Variants in ATG5 observed in about 807,000 individuals in gnomAD.
The protein encoded by ATG5 is autophagy related 5.
A neutral mutation model predicts 36.5 loss-of-function variants in ATG5; 14 were observed. The observed-to-expected ratio is 0.38, with a 90% CI of 0.25 to 0.60. The LOEUF is 0.60. ATG5 is among the 20% of genes least tolerant of loss of function. The pLI, the probability that ATG5 is intolerant of heterozygous loss-of-function variation, is 0.60. For missense variants in ATG5, 195 were observed against 326.7 expected, an observed-to-expected ratio of 0.60 and a Z score of 3.11; for synonymous variants, 95 against 101.5, an observed-to-expected ratio of 0.94 and a Z score of 0.38.
At chr6:106,320,221 T>C (rs1414912387) in intron 1 of ATG5, among the ~76,000 whole-genome samples, 1 of 152,184 alleles carries the variant, frequency 6.6e-6, no homozygotes, top group Non-Finnish European at 1.5e-5. Flanking sequence ...CTCCAAAACA[T>C]CCATTATGTC....
chr6:106,313,071 A>G (rs922565244), intron 2 of ATG5, among the ~76,000 whole-genome samples: 1 of 152,228 alleles, frequency 6.6e-6, no homozygotes, highest in African/African-American at 2.4e-5. Context: ...TAAAATAAAC[A>G]GAGAAGGCAG....
At chr6:106,210,863 ATGAG>A (rs1776825387) in intron 6 of ATG5, among the ~76,000 whole-genome samples, 1 of 152,212 alleles carries the variant, frequency 6.6e-6, no homozygotes, top group African/African-American at 2.4e-5. Context: ...TGAATTCTCA[ATGAG>A]TGTTATAATT....
At chr6:106,298,263 C>A (rs1377672371) in intron 3 of ATG5, among the ~76,000 whole-genome samples, 1 of 152,006 alleles carries the variant, frequency 6.6e-6, no homozygotes, top group East Asian at 1.9e-4. Flanking sequence ...CCAGCGCTAG[C>A]CTGTCAAAAT....
chr6:106,293,003 G>A (rs778267924), intron 4 of ATG5, 25 bp downstream of exon 4: 38 of 1,579,974 alleles, frequency 2.4e-5, no homozygotes, highest in East Asian at 1.3e-4. Flanking sequence ...CAAATGGGAC[G>A]AAGGAGAAAT....
At position 106,252,550 on chromosome 6, in the gene ATG5, A is replaced by G. The variant is rs1220517673; in HGVS notation, c.479-4306T>C. Among the ~76,000 whole-genome samples, 4 of 152,146 alleles carry G rather than the reference A, an allele frequency of 2.6e-5. No individual in the cohort carries two copies. The East Asian group carries it at 7.7e-4, about 29-fold the overall frequency. ...TTAATTTGTATTCTTTGTTACTCAC[A>G]TGGACAAACTGCAGGAAAAAGTGAT... On this transcript the variant is annotated intron_variant, in intron 5 of 7. Coordinates refer to ENST00000369076, the MANE Select transcript of ATG5 (RefSeq NM_004849.4).
chr6:106,269,679 G>A (rs926065624), intron 5 of ATG5, among the ~76,000 whole-genome samples: 15 of 152,224 alleles, frequency 9.9e-5, no homozygotes, highest in African/African-American at 3.4e-4. Context: ...GGGGCCGGCA[G>A]GGCCGGCCGG....
At chr6:106,317,449 T>A (rs1181392959) in intron 1 of ATG5, among the ~76,000 whole-genome samples, 3 of 152,132 alleles carry the variant, frequency 2.0e-5, no homozygotes, top group Non-Finnish European at 4.4e-5. Flanking sequence ...ATGGTATAAA[T>A]TAATTAGTTA....
chr6:106,283,201 T>C (rs996226896), intron 4 of ATG5, among the ~76,000 whole-genome samples: 1 of 152,172 alleles, frequency 6.6e-6, no homozygotes, highest in Admixed American at 6.5e-5. Context: ...AATTTGCTAG[T>C]ACTCTGTTGA....
chr6:106,316,046 T>C, intron 2 of ATG5, 55 bp downstream of exon 2: 1 of 1,438,746 alleles, frequency 7.0e-7, no homozygotes, highest in South Asian at 1.2e-5. Flanking sequence ...TACAGCTTTT[T>C]CTTACAAAAA....
At chr6:106,322,400 GA>G (rs967315286) in intron 1 of ATG5, among the ~76,000 whole-genome samples, 12 of 152,132 alleles carry the variant, frequency 7.9e-5, no homozygotes, top group African/African-American at 2.6e-4. Flanking sequence ...CGTGTAAACA[GA>G]AAAAAAATTA....
At chr6:106,222,132 C>G (rs983156497) in intron 6 of ATG5, among the ~76,000 whole-genome samples, 2 of 151,998 alleles carry the variant, frequency 1.3e-5, no homozygotes, top group Admixed American at 1.3e-4. Context: ...CTCAAACTCC[C>G]AAAGTGCTAG....
At chr6:106,292,892 T>C (rs1030792656) in intron 4 of ATG5, 136 bp downstream of exon 4, 37 of 658,628 alleles carry the variant, frequency 5.6e-5, no homozygotes, top group East Asian at 2.7e-5. Flanking sequence ...TATAGACAAA[T>C]ACTAATCGAA....
At chr6:106,301,919 A>G (rs1485559705) in intron 3 of ATG5, among the ~76,000 whole-genome samples, 1 of 152,082 alleles carries the variant, frequency 6.6e-6, no homozygotes. Context: ...AAAAAGGTCA[A>G]ATAACTTGCC....
At position 106,215,398 on chromosome 6, in the gene ATG5, A is replaced by G. The variant is rs118046902; in HGVS notation, c.574-13309T>C. Among the ~76,000 whole-genome samples the G allele has an allele frequency of 7.0e-3, 1,061 of 152,320 alleles. 7 individuals carry two copies. The highest frequency in any genetic ancestry group is 0.011 in the Non-Finnish European group (747 of 68,026). ...GTCTATGGGTTCTGTGGTGAACGCT[A>G]AAGTTTATAACATGGGAATATTTAT... On this transcript the variant is annotated intron_variant, in intron 6 of 7. Transcript: ENST00000369076.
At chr6:106,188,605 A>G (rs963615871) in intron 7 of ATG5, among the ~76,000 whole-genome samples, 1 of 152,224 alleles carries the variant, frequency 6.6e-6, no homozygotes, top group Non-Finnish European at 1.5e-5. Context: ...ACCATGTTAC[A>G]AAAGGATTGC....
intron 3 of ATG5, among the ~76,000 whole-genome samples, chr6:106,295,178 T>C (rs1780495436): frequency 6.6e-6 from 1 of 152,198 alleles, no homozygotes; most frequent in South Asian, 2.1e-4. Flanking sequence ...AAATAATACC[T>C]TATACTTTTA....
At chr6:106,255,238 T>A (rs1474500278) in intron 5 of ATG5, among the ~76,000 whole-genome samples, 1 of 152,186 alleles carries the variant, frequency 6.6e-6, no homozygotes, top group Non-Finnish European at 1.5e-5. Flanking sequence ...TAACCATTCC[T>A]TTCCAACCCC....
At chr6:106,221,230 C>T (rs141966896) in intron 6 of ATG5, among the ~76,000 whole-genome samples, 2 of 152,182 alleles carry the variant, frequency 1.3e-5, no homozygotes, top group Non-Finnish European at 2.9e-5. Context: ...TAATATAAAC[C>T]AGGCAGTAGA....
intron 2 of ATG5, among the ~76,000 whole-genome samples, chr6:106,312,278 C>T (rs1386932577): frequency 6.6e-6 from 1 of 152,044 alleles, no homozygotes; most frequent in Admixed American, 6.6e-5. Context: ...AACGATGAGT[C>T]CCAGGTTTCA....
Sources: allele counts gnomAD v4.1 joint callset (sites outside exome capture counted in the v4.1 genomes callset), GRCh38; gene constraint gnomAD v4.1.1; transcripts MANE v1.5; gene names NCBI Gene and HGNC (gene_info 2026-07-23, HGNC 2026-07-21).